Variants in CDK12 observed in about 807,000 individuals in gnomAD.
CDK12 encodes the protein cyclin dependent kinase 12.
In CDK12, 17 loss-of-function variants were observed where a neutral mutation model predicts 133.8. That is an observed-to-expected ratio of 0.13 (90% CI 0.09 to 0.19). CDK12 has a LOEUF of 0.19. Among genes scored for constraint, CDK12 ranks in the 10% least tolerant of loss-of-function variants. CDK12 has a pLI of 1.00. For synonymous variants in CDK12, 694 were observed against 683.6 expected (o/e 1.02, Z -0.24); for missense variants, 1,508 against 1,818.7 (o/e 0.83, Z 3.11).
intron 1 of CDK12, among the ~76,000 whole-genome samples, chr17:39,464,373 A>G (rs2049146778): frequency 1.3e-5 from 2 of 150,532 alleles, no homozygotes; most frequent in Admixed American, 6.7e-5. Context: ...GGTTCATGCC[A>G]CCATGCCTGG....
intron 11 of CDK12, among the ~76,000 whole-genome samples, chr17:39,521,456 T>C (rs1193763575): frequency 6.6e-6 from 1 of 151,752 alleles, no homozygotes; most frequent in African/African-American, 2.4e-5. Context: ...AGAGACAGGG[T>C]TTCATCACGT....
chr17:39,483,903 G>T (rs1218148219), intron 2 of CDK12, among the ~76,000 whole-genome samples: 1 of 151,688 alleles, frequency 6.6e-6, no homozygotes, highest in African/African-American at 2.4e-5. Flanking sequence ...GAGTGCAGTG[G>T]CATGATCTTG....
rs1193654166 is a variant in CDK12, at chr17:39,532,970, T to G, written c.*1654T>G. ...TTTTACAAAGAAAAAGTAAACATAC[T>G]TCAGCATCTTGGAGGGTAGTTTTCA... is the stretch of plus-strand genomic sequence containing the variant. On this transcript the variant is annotated 3_prime_UTR_variant, in exon 14 of 14. Coordinates refer to ENST00000447079, the MANE Select transcript of CDK12 (RefSeq NM_016507.4). 8.6e-6 allele frequency: 2 copies of G among 232,888 alleles called. No individual in the cohort carries two copies. Among genetic ancestry groups the G allele is most frequent in the African/African-American group, 2.2e-5 (1 of 45,310 alleles). The allele number at this position is 232,888 out of a possible 1,614,324, so 14.4% of individuals were successfully genotyped here. A position where few individuals can be genotyped will look rare whatever the true frequency, so the allele number is the denominator to read the frequency against.
At chr17:39,535,780 T>G (rs2055108525), downstream of CDK12, among the ~76,000 whole-genome samples, 1 of 152,210 alleles carries the variant, frequency 6.6e-6, no homozygotes, top group Non-Finnish European at 1.5e-5. Flanking sequence ...TTGGTGCTGA[T>G]CTTGGGATTT....
At chr17:39,497,704 G>C (rs983476204) in intron 5 of CDK12, among the ~76,000 whole-genome samples, 1 of 151,848 alleles carries the variant, frequency 6.6e-6, no homozygotes. Context: ...CCAGGCTCAA[G>C]CAATCCTCCA....
At chr17:39,558,088 G>A (rs2056229264) in intron 3 of CDK12, among the ~76,000 whole-genome samples, 1 of 152,198 alleles carries the variant, frequency 6.6e-6, no homozygotes, top group African/African-American at 2.4e-5. Flanking sequence ...GGCTGATATT[G>A]CTTCAAAGAC....
intron 1 of CDK12, among the ~76,000 whole-genome samples, chr17:39,468,547 C>T (rs1597918024): frequency 2.0e-5 from 3 of 152,054 alleles, no homozygotes; most frequent in South Asian, 2.1e-4. Flanking sequence ...ACAATCTCAG[C>T]TTACCACAAC....
chr17:39,472,526 T>C (rs1460060694), intron 2 of CDK12, among the ~76,000 whole-genome samples: 2 of 151,700 alleles, frequency 1.3e-5, no homozygotes, highest in African/African-American at 4.8e-5. Context: ...ATACAAAAAT[T>C]AGCTGGGCGT....
At chr17:39,481,635 T>G (rs12940667) in intron 2 of CDK12, among the ~76,000 whole-genome samples, 7,917 of 17,704 alleles carry the variant, frequency 0.45, 1,000 homozygotes, top group African/African-American at 0.49. Flanking sequence ...GCTCGCGCGC[T>G]CTCTCTCTCT....
chr17:39,562,851 C>T (rs983461482), intron 3 of CDK12, among the ~76,000 whole-genome samples: 3 of 146,306 alleles, frequency 2.1e-5, no homozygotes, highest in African/African-American at 7.4e-5. Flanking sequence ...TCATTTTTTT[C>T]CTCCTTTCTT....
chr17:39,538,614 GCT>G (rs1481570025), downstream of CDK12, among the ~76,000 whole-genome samples: 2 of 152,212 alleles, frequency 1.3e-5, no homozygotes, highest in Middle Eastern at 3.4e-3. Context: ...GCAAACCCCG[GCT>G]ACCTGGGAGC....
At chr17:39,548,493 A>G (rs1039022237), upstream of CDK12, among the ~76,000 whole-genome samples, 19 of 152,234 alleles carry the variant, frequency 1.2e-4, no homozygotes, top group Admixed American at 6.5e-4. Context: ...GGGGGAAAAA[A>G]TCTCTTATAA....
chr17:39,510,309 C>T (rs1350293226), intron 7 of CDK12, among the ~76,000 whole-genome samples: 5 of 151,706 alleles, frequency 3.3e-5, no homozygotes, highest in African/African-American at 7.2e-5. Flanking sequence ...TTAGTAGAGG[C>T]GGGGTTTCAC....
At chr17:39,567,017 G>A (rs2056596108), downstream of CDK12, 1 of 152,330 alleles carries the variant, frequency 6.6e-6, no homozygotes, top group Non-Finnish European at 1.5e-5. Context: ...CTTTGTTCCA[G>A]AAATCTAAGG....
At chr17:39,496,904 C>A in intron 5 of CDK12, among the ~76,000 whole-genome samples, 2 of 141,660 alleles carry the variant, frequency 1.4e-5, no homozygotes, top group African/African-American at 2.7e-5. Flanking sequence ...CCCCAACATT[C>A]AGTATATCTT....
At chr17:39,551,685 C>T (rs1160211858) in intron 2 of CDK12, among the ~76,000 whole-genome samples, 1 of 152,136 alleles carries the variant, frequency 6.6e-6, no homozygotes, top group South Asian at 2.1e-4. Context: ...GGTGCCATGG[C>T]CTTAGAGCTC....
At chr17:39,564,176 T>A in intron 3 of CDK12, among the ~76,000 whole-genome samples, 1 of 152,194 alleles carries the variant, frequency 6.6e-6, no homozygotes, top group South Asian at 2.1e-4. Flanking sequence ...CCCTCCTTTG[T>A]AGTCTTAATA....
chr17:39,477,119 C>G (rs1156567973), intron 2 of CDK12, among the ~76,000 whole-genome samples: 1 of 151,684 alleles, frequency 6.6e-6, no homozygotes, highest in East Asian at 1.9e-4. Flanking sequence ...CACCAGGGTT[C>G]AAGCGATTCT....
rs553912308 is a variant in CDK12 at position 39,514,644 on chromosome 17, AT to A, written c.2769-1083del. On this transcript the variant is annotated intron_variant, in intron 8 of 13. Transcript: ENST00000447079. ...ACATGAGCTGCCATGCTCAGCCTTT[AT>A]TTTATTTTGAAATAATTTCAATGTA... 1.1e-3 allele frequency among the ~76,000 whole-genome samples: 166 copies of A among 152,280 alleles called. 1 individual carries two copies. The highest frequency in any genetic ancestry group is 3.8e-3 in the African/African-American group (158 of 41,570).
Sources: allele counts gnomAD v4.1 joint callset (sites outside exome capture counted in the v4.1 genomes callset), GRCh38; gene constraint gnomAD v4.1.1; transcripts MANE v1.5; gene names NCBI Gene and HGNC (gene_info 2026-07-23, HGNC 2026-07-21).